Variants in EVA1C observed in about 807,000 individuals in gnomAD.
EVA1C encodes the protein protein eva-1 homolog C.
EVA1C carries 25 observed loss-of-function variants against 45.4 expected under a neutral mutation model. The observed-to-expected ratio is 0.55, with a 90% CI of 0.40 to 0.77. EVA1C has a LOEUF of 0.77. Among genes scored for constraint, EVA1C ranks in the 30% least tolerant of loss-of-function variants. EVA1C has a pLI of 0.00. For missense variants in EVA1C, 479 were observed against 554.8 expected, an observed-to-expected ratio of 0.86 and a Z score of 1.37; for synonymous variants, 190 against 221.2, an observed-to-expected ratio of 0.86 and a Z score of 1.25.
chr21:32,472,644 A>G (rs1249566420), intron 4 of EVA1C, among the ~76,000 whole-genome samples: 6 of 139,674 alleles, frequency 4.3e-5, no homozygotes, highest in Non-Finnish European at 8.1e-5. Context: ...TCTTAAAAGA[A>G]AAAAAAAAAG....
At chr21:32,457,807 A>G (rs1216394827) in intron 3 of EVA1C, 87 bp downstream of exon 3, 1 of 1,517,912 alleles carries the variant, frequency 6.6e-7, no homozygotes, top group Non-Finnish European at 9.0e-7. Context: ...GCCCGTTGGC[A>G]TTTGTCCAAC....
At position 32,412,797 on chromosome 21, in the gene EVA1C, C is replaced by T. The variant is rs1415647082; in HGVS notation, c.-57C>T. 6.8e-6 allele frequency: 9 copies of T among 1,331,284 alleles called. No individual in the cohort carries two copies. Among genetic ancestry groups the T allele is most frequent in the African/African-American group, 1.5e-5 (1 of 64,576 alleles). The allele number at this position is 1,331,284 out of a possible 1,614,324, so 82.5% of individuals were successfully genotyped here. ...CCCCGCCATGTGACGCCGTCCTTAG[C>T]CCTGCGACCCCCAGCGCGTCCCGGG... On this transcript the variant is annotated 5_prime_UTR_variant, in exon 1 of 8. Coordinates refer to ENST00000300255, the MANE Select transcript of EVA1C (RefSeq NM_058187.5).
chr21:32,413,132 C>A, intron 1 of EVA1C, 119 bp downstream of exon 1: 1 of 858,626 alleles, frequency 1.2e-6, no homozygotes, highest in South Asian at 3.5e-5. Context: ...GAGGCGTGCT[C>A]ACAGACACTT....
chr21:32,496,913 C>A, intron 5 of EVA1C: 1 of 1,270,354 alleles, frequency 7.9e-7, no homozygotes, highest in Non-Finnish European at 1.2e-6. Context: ...GTTTCTTTGT[C>A]TTACTTGGCA....
At chr21:32,470,841 C>A (rs2036345487) in intron 4 of EVA1C, among the ~76,000 whole-genome samples, 3 of 151,962 alleles carry the variant, frequency 2.0e-5, no homozygotes, top group African/African-American at 7.3e-5. Context: ...TCACTGCAAC[C>A]TCCGTCTCTA....
intron 1 of EVA1C, among the ~76,000 whole-genome samples, chr21:32,420,042 C>T (rs1401120430): frequency 6.6e-6 from 1 of 152,162 alleles, no homozygotes; most frequent in East Asian, 1.9e-4. Context: ...CTCGTTCTGC[C>T]ACCCCTTTAG....
At chr21:32,433,996 T>TA (rs1381297216) in intron 1 of EVA1C, among the ~76,000 whole-genome samples, 4 of 112,694 alleles carry the variant, frequency 3.5e-5, no homozygotes, top group African/African-American at 1.6e-4. Flanking sequence ...CCATCTCTGT[T>TA]AAAAAATAAT....
At chr21:32,428,761 G>C (rs1348011276) in intron 1 of EVA1C, 1 of 152,216 alleles carries the variant, frequency 6.6e-6, no homozygotes, top group East Asian at 1.9e-4. Flanking sequence ...TTACGATTCA[G>C]TCTCACAGAC....
Position 32,412,943 on chromosome 21 carries a change from G to A in EVA1C, c.90G>A (p.Gln30=), listed in dbSNP as rs997454608. 3 of 1,548,318 alleles carry A rather than the reference G, an allele frequency of 1.9e-6. No homozygotes were observed. The highest frequency in any genetic ancestry group is 2.6e-5 in the East Asian group (1 of 38,928). ...GLRRQVEPPG[Q]LLRLFYCTVL... ...GCCGGCAGGTAGAGCCGCCGGGGCA[G>A]CTCCTGCGCCTCTTCTACTGCACTG... The change falls in exon 1 of 8, where the codon CAG becomes CAA. Residue 30 remains glutamine, a synonymous_variant. Transcript: ENST00000300255.
chr21:32,503,400 G>T (rs985530517), intron 6 of EVA1C, among the ~76,000 whole-genome samples: 8 of 152,132 alleles, frequency 5.3e-5, no homozygotes, highest in African/African-American at 1.9e-4. Flanking sequence ...ACAAAAATTT[G>T]CTGGGCATGG....
intron 1 of EVA1C, among the ~76,000 whole-genome samples, chr21:32,414,349 CT>C (rs1318322078): frequency 1.3e-5 from 2 of 152,074 alleles, no homozygotes; most frequent in Non-Finnish European, 2.9e-5. Context: ...TAGAAAAGCT[CT>C]GTATTAGCTG....
At chr21:32,509,029 A>G (rs2034842525) in intron 7 of EVA1C, among the ~76,000 whole-genome samples, 1 of 152,252 alleles carries the variant, frequency 6.6e-6, no homozygotes, top group Non-Finnish European at 1.5e-5. Context: ...AAAAGGAGCC[A>G]CAAAAGTATA....
chr21:32,436,129 T>A (rs977166029), intron 1 of EVA1C, among the ~76,000 whole-genome samples: 3 of 151,698 alleles, frequency 2.0e-5, no homozygotes, highest in African/African-American at 7.3e-5. Flanking sequence ...AGTGGTGAGA[T>A]CTCGGCTCAC....
chr21:32,470,984 C>T (rs1481221439), intron 4 of EVA1C, among the ~76,000 whole-genome samples: 6 of 151,872 alleles, frequency 4.0e-5, no homozygotes, highest in Non-Finnish European at 8.8e-5. Flanking sequence ...GTCTCAAACT[C>T]CTGACCTCAG....
chr21:32,508,749 C>T (rs1257078405), intron 7 of EVA1C, among the ~76,000 whole-genome samples: 3 of 152,196 alleles, frequency 2.0e-5, no homozygotes, highest in Non-Finnish European at 4.4e-5. Flanking sequence ...GGGGAACGCT[C>T]GCCATGGCCT....
intron 1 of EVA1C, among the ~76,000 whole-genome samples, chr21:32,446,590 CTGGAA>C (rs1239852517): frequency 6.6e-6 from 1 of 152,176 alleles, no homozygotes; most frequent in Non-Finnish European, 1.5e-5. Flanking sequence ...GCCCAGCACA[CTGGAA>C]TGCATGAGCT....
chr21:32,482,319 C>T (rs756192930), intron 4 of EVA1C, among the ~76,000 whole-genome samples: 23 of 152,132 alleles, frequency 1.5e-4, no homozygotes, highest in Non-Finnish European at 3.2e-4. Flanking sequence ...CTCGTACAGA[C>T]CTCATAGAGA....
intron 1 of EVA1C, among the ~76,000 whole-genome samples, chr21:32,449,883 A>G (rs1476699481): frequency 2.0e-5 from 3 of 151,954 alleles, no homozygotes; most frequent in Non-Finnish European, 4.4e-5. Context: ...TCAGCCTCCC[A>G]AACTGTTGGG....
At chr21:32,494,943 A>G in intron 4 of EVA1C, 84 bp from the exon 5 acceptor site, 1 of 1,374,696 alleles carries the variant, frequency 7.3e-7, no homozygotes, top group Non-Finnish European at 1.0e-6. Context: ...AGCTCAGCAT[A>G]TTTATTTACA....
Sources: allele counts gnomAD v4.1 joint callset (sites outside exome capture counted in the v4.1 genomes callset), GRCh38; gene constraint gnomAD v4.1.1; transcripts MANE v1.5; gene names NCBI Gene and HGNC (gene_info 2026-07-23, HGNC 2026-07-21).